Variants in TSHR observed in about 807,000 individuals in gnomAD.
The protein encoded by TSHR is thyrotropin receptor.
In TSHR, 51 loss-of-function variants were observed where a neutral mutation model predicts 64.1. That is an observed-to-expected ratio of 0.80 (90% CI 0.64 to 1.01). The LOEUF (loss-of-function observed/expected upper bound fraction) is 1.01, where lower values mean the gene tolerates loss of function less well. Among genes scored for constraint, TSHR ranks in the 50% least tolerant of loss-of-function variants. TSHR has a pLI of 0.00. For synonymous variants in TSHR, 361 were observed against 361.9 expected (o/e 1.00, Z 0.03); for missense variants, 877 against 942.8 (o/e 0.93, Z 0.91).
In TSHR at chr14:81,131,288, G is replaced by A. The variant is rs573342697; in HGVS notation, c.693-8391G>A. Among the ~76,000 whole-genome samples, 7 of 152,202 alleles carry A rather than the reference G, an allele frequency of 4.6e-5. No homozygotes were observed. In the South Asian group the frequency reaches 1.2e-3, roughly 27 times the overall value. ...TATCTACAAACTCCAACCATTTTCAGTATCTCCACTGCTACCACCCTAGTC... is the reference window on the plus strand; with the variant it reads ...TATCTACAAACTCCAACCATTTTCAATATCTCCACTGCTACCACCCTAGTC... On this transcript the variant is annotated intron_variant, in intron 8 of 9. Coordinates refer to ENST00000298171, the MANE Select transcript of TSHR (RefSeq NM_000369.5).
chr14:81,026,908 C>A (rs1032309467), intron 1 of TSHR, among the ~76,000 whole-genome samples: 2 of 151,634 alleles, frequency 1.3e-5, no homozygotes, highest in Admixed American at 1.3e-4. Context: ...TGGTGGCGGG[C>A]ACCTATAATC....
At chr14:81,007,416 G>A (rs563756876) in intron 1 of TSHR, among the ~76,000 whole-genome samples, 20 of 152,170 alleles carry the variant, frequency 1.3e-4, no homozygotes, top group Non-Finnish European at 2.1e-4. Context: ...AGTTTTGAGA[G>A]TACTGGCCAG....
chr14:81,064,503 G>A (rs965808552), intron 2 of TSHR, among the ~76,000 whole-genome samples: 6 of 152,032 alleles, frequency 3.9e-5, no homozygotes, highest in African/African-American at 9.7e-5. Flanking sequence ...ATAAATATTT[G>A]TTCAGCCCCT....
At chr14:81,011,066 T>C (rs115449440) in intron 1 of TSHR, among the ~76,000 whole-genome samples, 1,792 of 152,306 alleles carry the variant, frequency 0.012, 21 homozygotes, top group African/African-American at 0.016. Context: ...GATGACAGCA[T>C]TCAATTAGCT....
chr14:81,052,698 G>T (rs1885503186), intron 1 of TSHR: 1 of 151,880 alleles, frequency 6.6e-6, no homozygotes, highest in Non-Finnish European at 1.5e-5. Context: ...CCATTTCTTT[G>T]TGTCTTCAAT....
At chr14:81,011,132 C>G (rs1889882828) in intron 1 of TSHR, among the ~76,000 whole-genome samples, 2 of 152,132 alleles carry the variant, frequency 1.3e-5, no homozygotes, top group Non-Finnish European at 2.9e-5. Flanking sequence ...ACGATCCAGG[C>G]CCAGTTTTGG....
chr14:80,993,440 A>G (rs1888849821), intron 1 of TSHR: 1 of 152,144 alleles, frequency 6.6e-6, no homozygotes, highest in Non-Finnish European at 1.5e-5. Flanking sequence ...CTGCCCAGTA[A>G]TGTTTAGTAT....
intron 1 of TSHR, among the ~76,000 whole-genome samples, chr14:81,007,743 A>T (rs1242026290): frequency 6.6e-6 from 1 of 152,232 alleles, no homozygotes; most frequent in Non-Finnish European, 1.5e-5. Context: ...GGACTGGATT[A>T]GTCCATTTCT....
At chr14:81,072,780 G>A (rs1197126088) in intron 3 of TSHR, among the ~76,000 whole-genome samples, 1 of 137,708 alleles carries the variant, frequency 7.3e-6, no homozygotes, top group East Asian at 2.0e-4. Flanking sequence ...GGCGGATCAC[G>A]AGGTCAGGAG....
chr14:80,961,147 G>T (rs1158911653), intron 1 of TSHR, among the ~76,000 whole-genome samples: 1 of 152,084 alleles, frequency 6.6e-6, no homozygotes, highest in African/African-American at 2.4e-5. Context: ...CACTGAAGAG[G>T]GGCCATATGC....
rs117614581 is a variant in TSHR, at chr14:81,051,197, A to G, written c.171-10951A>G. 333 of 152,438 alleles carry G rather than the reference A, an allele frequency of 2.2e-3. 9 individuals are homozygous for G. The East Asian group carries it at 0.055, about 25-fold the overall frequency. 9.4% of individuals were successfully genotyped at this position (152,438 alleles called of 1,614,324 possible). On this transcript the variant is annotated intron_variant, in intron 1 of 9. Coordinates refer to ENST00000298171, the MANE Select transcript of TSHR (RefSeq NM_000369.5). ...AAACCACTTTCTTTGCTCATTCATA[A>G]GAAGCAACTCCTTATCGAATAAAGT... is the stretch of plus-strand genomic sequence containing the variant.
intron 9 of TSHR, among the ~76,000 whole-genome samples, chr14:81,140,165 G>T (rs990122223): frequency 3.3e-5 from 5 of 152,192 alleles, no homozygotes; most frequent in Non-Finnish European, 7.3e-5. Flanking sequence ...TAGATATGAT[G>T]TCCGGTTTCC....
At chr14:81,138,406 G>C (rs1028323119) in intron 8 of TSHR, among the ~76,000 whole-genome samples, 5 of 151,980 alleles carry the variant, frequency 3.3e-5, no homozygotes, top group Non-Finnish European at 5.9e-5. Flanking sequence ...GGCCATGCTG[G>C]TCTTGAACTC....
At chr14:81,115,722 T>C (rs55799745) in intron 8 of TSHR, among the ~76,000 whole-genome samples, 35,976 of 151,332 alleles carry the variant, frequency 0.24, 4,324 homozygotes, top group East Asian at 0.3. Context: ...CCAAGACACA[T>C]AATTGTCAGA....
intron 1 of TSHR, among the ~76,000 whole-genome samples, chr14:80,975,066 T>C (rs1887794105): frequency 6.6e-6 from 1 of 152,232 alleles, no homozygotes; most frequent in Non-Finnish European, 1.5e-5. Context: ...AACCATAAGA[T>C]GGTCATGTCC....
intron 3 of TSHR, among the ~76,000 whole-genome samples, chr14:81,081,024 A>C (rs1566799870): frequency 6.6e-6 from 1 of 152,196 alleles, no homozygotes; most frequent in Non-Finnish European, 1.5e-5. Flanking sequence ...CAAATATGAA[A>C]TACTAAGCCA....
At chr14:81,000,708 A>G (rs12896769) in intron 1 of TSHR, among the ~76,000 whole-genome samples, 41,214 of 152,146 alleles carry the variant, frequency 0.27, 6,371 homozygotes, top group South Asian at 0.36. Context: ...GGTCATGACA[A>G]AATCTTCCAG....
chr14:81,114,441 C>T (rs993506719), intron 8 of TSHR, among the ~76,000 whole-genome samples: 22 of 152,266 alleles, frequency 1.4e-4, no homozygotes, highest in African/African-American at 1.7e-4. Context: ...AAAATCGGGT[C>T]GCTCCCACCC....
At chr14:81,000,245 C>A (rs1044975396) in intron 1 of TSHR, among the ~76,000 whole-genome samples, 4 of 152,138 alleles carry the variant, frequency 2.6e-5, no homozygotes, top group Non-Finnish European at 5.9e-5. Context: ...ATTTTTAACT[C>A]CTAAGACAAC....
Sources: gnomAD v4.1 joint callset for allele counts (sites outside exome capture counted in the v4.1 genomes callset) on GRCh38, gnomAD v4.1.1 for gene constraint, MANE v1.5 for transcripts, NCBI Gene and HGNC (gene_info 2026-07-23, HGNC 2026-07-21) for gene names.